The following TTLL7 variants were observed in gnomAD, a reference collection of about 807,000 sequenced individuals.
TTLL7 encodes tubulin polyglutamylase TTLL7.
Under a neutral mutation model 120.2 loss-of-function variants are expected in TTLL7, and 53 were observed. The observed-to-expected ratio is 0.44, with a 90% confidence interval of 0.35 to 0.55. The LOEUF is 0.55. Among genes scored for constraint, TTLL7 ranks in the 20% least tolerant of loss-of-function variants. TTLL7 has a pLI of 0.00. For missense variants in TTLL7, 803 were observed against 1,054.7 expected, an observed-to-expected ratio of 0.76 and a Z score of 3.31; for synonymous variants, 353 against 351.7, an observed-to-expected ratio of 1.00 and a Z score of -0.04.
chr1:83,997,419 G>A (rs1653585129), intron 1 of TTLL7, among the ~76,000 whole-genome samples: 1 of 152,242 alleles, frequency 6.6e-6, no homozygotes, highest in East Asian at 1.9e-4. Context: ...GAGCATAGAA[G>A]GTCAATATAA....
chr1:83,875,806 G>A (rs1190930975), intron 20 of TTLL7, among the ~76,000 whole-genome samples: 3 of 151,732 alleles, frequency 2.0e-5, no homozygotes, highest in African/African-American at 7.3e-5. Context: ...CTTTGAAATT[G>A]GTAGGAGTTA....
chr1:83,985,881 T>G (rs537510573), intron 1 of TTLL7, among the ~76,000 whole-genome samples: 4 of 152,260 alleles, frequency 2.6e-5, no homozygotes, highest in African/African-American at 9.6e-5. Flanking sequence ...ATCACCTAAA[T>G]AGTTCTATAA....
In TTLL7 at chr1:83,915,359, T is replaced by C. The variant is rs187170477; in HGVS notation, c.1587+2245A>G. Among the ~76,000 whole-genome samples the C allele has an allele frequency of 8.9e-4, 135 of 152,276 alleles. 1 individual carries two copies. Among genetic ancestry groups the C allele is most frequent in the African/African-American group, 3.2e-3 (133 of 41,568 alleles). ...GCCGCAGGTCTACAACTATCTGATCTTTGACAAACCTGACAAAAACAAGAA... is the reference window on the plus strand; with the variant it reads ...GCCGCAGGTCTACAACTATCTGATCCTTGACAAACCTGACAAAAACAAGAA... On this transcript the variant is annotated intron_variant, in intron 14 of 20. Coordinates refer to ENST00000260505, the MANE Select transcript of TTLL7 (RefSeq NM_024686.6).
In TTLL7 at chr1:83,890,266, A is replaced by G. The variant is rs998146546; in HGVS notation, c.2369+55T>C. 1.1e-5 allele frequency: 17 copies of G among 1,507,394 alleles called. No homozygotes were observed. The African/African-American group carries it at 2.3e-4, about 20-fold the overall frequency. 93.4% of individuals were successfully genotyped at this position (1,507,394 alleles called of 1,614,324 possible). On this transcript the variant is annotated intron_variant, in intron 19 of 20. Transcript: ENST00000260505. Reference sequence around the variant, plus strand: ...AAGCATTTTATTAGGATATCTCTATAACTAAATAGTAAAATATTAAAAATG... The same window carrying G: ...AAGCATTTTATTAGGATATCTCTATGACTAAATAGTAAAATATTAAAAATG...
chr1:83,968,897 C>T (rs905402037), intron 1 of TTLL7, among the ~76,000 whole-genome samples: 16 of 151,990 alleles, frequency 1.1e-4, no homozygotes, highest in Admixed American at 2.0e-4. Flanking sequence ...TGAGAACATT[C>T]TTACTTATCA....
intron 1 of TTLL7, among the ~76,000 whole-genome samples, chr1:83,959,285 T>A (rs1378520759): frequency 6.6e-6 from 1 of 152,126 alleles, no homozygotes; most frequent in Non-Finnish European, 1.5e-5. Context: ...ACCACTGCAC[T>A]AGAAGGCCAA....
At chr1:83,883,719 T>C (rs1654723392) in intron 19 of TTLL7, among the ~76,000 whole-genome samples, 1 of 152,068 alleles carries the variant, frequency 6.6e-6, no homozygotes, top group Non-Finnish European at 1.5e-5. Context: ...TTTCTCGGAA[T>C]CTGTATTTAC....
intron 1 of TTLL7, among the ~76,000 whole-genome samples, chr1:83,998,059 C>A (rs1653648192): frequency 6.6e-6 from 1 of 152,114 alleles, no homozygotes; most frequent in Non-Finnish European, 1.5e-5. Flanking sequence ...TTAATTAATT[C>A]TATGTTTAAT....
intron 1 of TTLL7, among the ~76,000 whole-genome samples, chr1:83,958,509 T>C (rs1649727384): frequency 6.6e-6 from 1 of 152,174 alleles, no homozygotes; most frequent in South Asian, 2.1e-4. Flanking sequence ...TATTACTTCC[T>C]AAAAATTATA....
chr1:83,990,710 G>A (rs2100644040), intron 1 of TTLL7, among the ~76,000 whole-genome samples: 1 of 152,310 alleles, frequency 6.6e-6, no homozygotes, highest in East Asian at 1.9e-4. Context: ...TAAGTGGCAA[G>A]GTTGAGGAGA....
At chr1:83,997,681 C>T (rs1304601870) in intron 1 of TTLL7, among the ~76,000 whole-genome samples, 1 of 152,176 alleles carries the variant, frequency 6.6e-6, no homozygotes, top group Admixed American at 6.5e-5. Context: ...ATGGGTTCAC[C>T]TGTCACCCTA....
intron 8 of TTLL7, among the ~76,000 whole-genome samples, chr1:83,935,448 C>G (rs983951080): frequency 6.6e-6 from 1 of 152,072 alleles, no homozygotes; most frequent in Admixed American, 6.6e-5. Context: ...AATTCCACTA[C>G]TGTTTTTGAG....
intron 20 of TTLL7, among the ~76,000 whole-genome samples, chr1:83,876,695 T>A (rs1653957754): frequency 6.6e-6 from 1 of 152,000 alleles, no homozygotes; most frequent in African/African-American, 2.4e-5. Context: ...GAAAAAATAT[T>A]TAAAATTTTA....
chr1:83,985,333 G>A lies in TTLL7; in HGVS notation c.-177+13598C>T, dbSNP rs545013325. ...AAGCAGAAGGAAGCATCCAAGGCTGGAGAAAGAAGGCAGCCAGAAGGCTCA... is the reference window on the plus strand; with the variant it reads ...AAGCAGAAGGAAGCATCCAAGGCTGAAGAAAGAAGGCAGCCAGAAGGCTCA... On this transcript the variant is annotated intron_variant, in intron 1 of 20. Coordinates refer to ENST00000260505, the MANE Select transcript of TTLL7 (RefSeq NM_024686.6). 7.2e-5 allele frequency among the ~76,000 whole-genome samples: 11 copies of A among 152,296 alleles called. No homozygotes were observed. The East Asian group carries it at 1.3e-3, about 19-fold the overall frequency.
At chr1:83,925,205 T>A (rs1659012745) in intron 10 of TTLL7, among the ~76,000 whole-genome samples, 1 of 152,194 alleles carries the variant, frequency 6.6e-6, no homozygotes, top group South Asian at 2.1e-4. Context: ...TATATCAAAT[T>A]TTCCAGTTAA....
At chr1:83,991,200 G>C (rs1652968007) in intron 1 of TTLL7, among the ~76,000 whole-genome samples, 1 of 152,146 alleles carries the variant, frequency 6.6e-6, no homozygotes, top group Admixed American at 6.5e-5. Context: ...GGTGAAGCTA[G>C]GGGGAGGTGG....
Position 83,981,830 on chromosome 1 carries a change from C to CA in TTLL7, c.-177+17100dup, listed in dbSNP as rs749082466. Among the ~76,000 whole-genome samples the CA allele has an allele frequency of 9.8e-3, 849 of 86,950 alleles. 2 individuals carry two copies. Among genetic ancestry groups the CA allele is most frequent in the African/African-American group, 0.023 (517 of 22,634 alleles). The allele number at this position is 86,950 out of a possible 152,430, so 57.0% of individuals were successfully genotyped here. ...TGGGCGACAGAGCGAGACTCTGTCA[C>CA]AAAAAAAAAAAAAAAATCAACGAAG... On this transcript the variant is annotated intron_variant, in intron 1 of 20. Transcript: ENST00000260505.
intron 1 of TTLL7, among the ~76,000 whole-genome samples, chr1:83,963,898 C>T (rs1302433362): frequency 6.6e-6 from 1 of 151,960 alleles, no homozygotes; most frequent in Non-Finnish European, 1.5e-5. Flanking sequence ...AGTTATGGTA[C>T]AAGAATCATG....
intron 12 of TTLL7, 120 bp downstream of exon 12, chr1:83,920,967 A>G: frequency 9.2e-7 from 1 of 1,090,398 alleles, no homozygotes; most frequent in Non-Finnish European, 1.3e-6. Flanking sequence ...CAGTAAGCAA[A>G]AAGCACTTGC....
Sources: allele counts gnomAD v4.1 joint callset (sites outside exome capture counted in the v4.1 genomes callset), GRCh38; gene constraint gnomAD v4.1.1; transcripts MANE v1.5; gene names NCBI Gene and HGNC (gene_info 2026-07-23, HGNC 2026-07-21).